Variants in VPS54 observed in about 807,000 individuals in gnomAD.
VPS54 encodes vacuolar protein sorting-associated protein 54.
A neutral mutation model predicts 121.5 loss-of-function variants in VPS54; 45 were observed. The ratio of observed to expected loss-of-function variants is 0.37; its 90% CI spans 0.29 to 0.47. VPS54 has a LOEUF of 0.47. Ranked by LOEUF, VPS54 falls within the 20% of genes least tolerant of loss-of-function variation. The pLI is 0.99. For missense variants in VPS54, 1,090 were observed against 1,131.4 expected, an observed-to-expected ratio of 0.96 and a Z score of 0.52; for synonymous variants, 371 against 385.8, an observed-to-expected ratio of 0.96 and a Z score of 0.45.
At chr2:63,924,210 G>A (rs1379476386) in intron 12 of VPS54, among the ~76,000 whole-genome samples, 1 of 152,188 alleles carries the variant, frequency 6.6e-6, no homozygotes, top group Non-Finnish European at 1.5e-5. Flanking sequence ...TTCAGTATCT[G>A]TTCTCTCTTT....
chr2:63,925,590 C>T (rs912552167), intron 12 of VPS54, among the ~76,000 whole-genome samples: 1 of 152,156 alleles, frequency 6.6e-6, no homozygotes, highest in Middle Eastern at 3.4e-3. Context: ...TGAAAATAAC[C>T]CAAATCTTAT....
intron 15 of VPS54, among the ~76,000 whole-genome samples, chr2:63,918,213 T>C (rs1193979770): frequency 6.6e-6 from 1 of 151,892 alleles, no homozygotes; most frequent in Non-Finnish European, 1.5e-5. Flanking sequence ...CCTCCTACCA[T>C]CAATATCCTC....
chr2:63,934,656 A>T (rs1674370416), intron 11 of VPS54, among the ~76,000 whole-genome samples: 1 of 151,746 alleles, frequency 6.6e-6, no homozygotes, highest in African/African-American at 2.4e-5. Flanking sequence ...CCCATTATCC[A>T]GTTTTTGTAA....
chr2:63,989,889 G>A (rs1013385594), intron 1 of VPS54, among the ~76,000 whole-genome samples: 1 of 152,170 alleles, frequency 6.6e-6, no homozygotes, highest in African/African-American at 2.4e-5. Context: ...GGAAGGGTCC[G>A]AGTAACCATG....
At chr2:63,915,408 A>G (rs1178647184) in intron 16 of VPS54, among the ~76,000 whole-genome samples, 1 of 152,186 alleles carries the variant, frequency 6.6e-6, no homozygotes, top group East Asian at 1.9e-4. Flanking sequence ...TCTAGCCTTT[A>G]TAACACCTTG....
chr2:63,910,959 A>G (rs1246776525), intron 20 of VPS54, among the ~76,000 whole-genome samples: 1 of 152,100 alleles, frequency 6.6e-6, no homozygotes, highest in Non-Finnish European at 1.5e-5. Context: ...CCTAGACTGG[A>G]GTGCAGTGGG....
chr2:63,917,036 T>C (rs943878587), intron 15 of VPS54, 73 bp from the exon 16 acceptor site: 5 of 1,526,556 alleles, frequency 3.3e-6, no homozygotes, highest in Middle Eastern at 1.7e-4. Flanking sequence ...CTGAAGAAGA[T>C]AATTCCTGTT....
intron 1 of VPS54, among the ~76,000 whole-genome samples, chr2:64,006,901 G>C (rs181474211): frequency 6.6e-6 from 1 of 152,172 alleles, no homozygotes. Flanking sequence ...TTACAGGCGT[G>C]AGCCACCACG....
chr2:63,914,208 G>A lies in VPS54; in HGVS notation c.2308C>T (p.Leu770Phe), dbSNP rs766116221. The A allele has an allele frequency of 8.7e-6, 14 of 1,613,294 alleles. No individual in the cohort carries two copies. The South Asian group carries it at 1.4e-4, about 16-fold the overall frequency. Residue 770 changes from leucine to phenylalanine, a missense_variant, in exon 17 of 23, where the codon CTT becomes TTT. By Grantham distance (22) the Leu-to-Phe change is conservative. Around this residue, in one of 2 missense-constraint regions of VPS54, gnomAD observed 289 missense variants for 374.4 expected, o/e 0.77. Coordinates refer to ENST00000272322, the MANE Select transcript of VPS54 (RefSeq NM_016516.3). ...DNIPSVTTDMLTRLSDLLKYF... is the reference protein window; with the variant it reads ...DNIPSVTTDMFTRLSDLLKYF... ...TTCAATAAATCTGACAGACGAGTAAGCATGTCAGTAGTAACAGATGGGATG... is the reference window on the plus strand; with the variant it reads ...TTCAATAAATCTGACAGACGAGTAAACATGTCAGTAGTAACAGATGGGATG...
chr2:63,927,797 C>T (rs970779247), intron 12 of VPS54, among the ~76,000 whole-genome samples: 3 of 152,096 alleles, frequency 2.0e-5, no homozygotes, highest in Non-Finnish European at 2.9e-5. Context: ...ACTAGAATAA[C>T]CAGTCTAGAG....
rs773935400 is a variant in VPS54 at position 63,962,122 on chromosome 2, A to G, written c.946T>C (p.Leu316=). The G allele has an allele frequency of 1.8e-5, 29 of 1,608,390 alleles. No homozygotes were observed. Among genetic ancestry groups the G allele is most frequent in the South Asian group, 1.1e-5 (1 of 90,936 alleles). The part of the protein sequence containing the change: ...LLSTSEFVGA[L]DLIATTQEVL... ...TCTTGTGTTGTTGCTATTAAGTCCA[A>G]TGCTCCAACAAATTCAGAAGTAGAT... The change falls in exon 7 of 23, where the codon TTG becomes CTG. Residue 316 remains leucine, a synonymous_variant. Coordinates refer to ENST00000272322, the MANE Select transcript of VPS54 (RefSeq NM_016516.3).
chr2:63,924,605 G>T (rs186359530), intron 12 of VPS54, among the ~76,000 whole-genome samples: 64 of 152,184 alleles, frequency 4.2e-4, no homozygotes, highest in Admixed American at 9.8e-4. Context: ...GATCACTTGA[G>T]GCCAGGAGTG....
intron 10 of VPS54, among the ~76,000 whole-genome samples, chr2:63,943,727 C>CTTTCTTTCT (rs34858643): frequency 0.047 from 6,117 of 129,494 alleles, 339 homozygotes; most frequent in African/African-American, 0.14. Context: ...TTCTTTCTTT[C>CTTTCTTTCT]TTTTTTTTTT....
At chr2:63,968,884 T>G in intron 5 of VPS54, 73 bp downstream of exon 5, 19 of 1,284,756 alleles carry the variant, frequency 1.5e-5, no homozygotes, top group Non-Finnish European at 1.9e-5. Flanking sequence ...AAAAGCCAAA[T>G]GAAATCTGCT....
At position 63,949,167 on chromosome 2, in the gene VPS54, A is replaced by C. The variant is rs1675124771; in HGVS notation, c.1011-4T>G. The stretch of plus-strand genomic sequence containing the variant: ...ACAAAGCTGTGATCCCAAATGCCTA[A>C]AAAGGAAGAGAAAAATGTTATATTT... On this transcript the variant is annotated splice_region_variant and splice_polypyrimidine_tract_variant and intron_variant, in intron 7 of 22. Coordinates refer to ENST00000272322, the MANE Select transcript of VPS54 (RefSeq NM_016516.3). The C allele has an allele frequency of 1.2e-6, 2 of 1,603,320 alleles. No individual in the cohort carries two copies. The highest frequency in any genetic ancestry group is 2.2e-5 in the East Asian group (1 of 44,714).
At chr2:63,991,119 T>G (rs1677297456) in intron 1 of VPS54, among the ~76,000 whole-genome samples, 1 of 152,204 alleles carries the variant, frequency 6.6e-6, no homozygotes, top group Non-Finnish European at 1.5e-5. Context: ...AATTAAACTT[T>G]GATGCTCTTA....
In VPS54 at chr2:63,897,642, ATC is replaced by A. The variant is rs1348639789; in HGVS notation, c.2734-54_2734-53del. ...TTAAAGTTCTACTGAAATAGAAGATATCTGAGTTATCAATATTATTTAGAGAA... is the reference window on the plus strand; with the variant it reads ...TTAAAGTTCTACTGAAATAGAAGATATGAGTTATCAATATTATTTAGAGAA... On this transcript the variant is annotated intron_variant, in intron 21 of 22. Coordinates refer to ENST00000272322, the MANE Select transcript of VPS54 (RefSeq NM_016516.3). The A allele has an allele frequency of 9.5e-6, 10 of 1,055,460 alleles. No individual in the cohort carries two copies. In the African/African-American group the frequency reaches 1.3e-4, roughly 14 times the overall value. 65.4% of individuals were successfully genotyped at this position (1,055,460 alleles called of 1,614,324 possible).
intron 1 of VPS54, among the ~76,000 whole-genome samples, chr2:63,997,545 T>C (rs1023169476): frequency 2.0e-5 from 3 of 152,086 alleles, no homozygotes; most frequent in African/African-American, 7.2e-5. Flanking sequence ...GGTTTTAGCA[T>C]CTCCTTTTTT....
chr2:63,934,346 C>G (rs116383629), intron 11 of VPS54, among the ~76,000 whole-genome samples: 1 of 152,078 alleles, frequency 6.6e-6, no homozygotes, highest in South Asian at 2.1e-4. Flanking sequence ...GAATCATATA[C>G]ATTGATATGC....
Sources: allele counts gnomAD v4.1 joint callset (sites outside exome capture counted in the v4.1 genomes callset), GRCh38; gene constraint gnomAD v4.1.1; regional missense constraint gnomAD v4.1.1; transcripts MANE v1.5; gene names NCBI Gene and HGNC (gene_info 2026-07-23, HGNC 2026-07-21).